CDK14: variants seen among roughly 807,000 people sequenced by gnomAD.
CDK14 encodes the protein cyclin-dependent kinase 14.
Under a neutral mutation model 60.7 loss-of-function variants are expected in CDK14, and 34 were observed. The observed-to-expected ratio is 0.56, with a 90% CI of 0.43 to 0.75. The LOEUF (loss-of-function observed/expected upper bound fraction) is 0.75, where lower values mean the gene tolerates loss of function less well. Among genes scored for constraint, CDK14 ranks in the 30% least tolerant of loss-of-function variants. The pLI is 0.00. For synonymous variants in CDK14, 197 were observed against 203.7 expected (o/e 0.97, Z 0.28); for missense variants, 482 against 564.1 (o/e 0.85, Z 1.47).
At position 91,098,499 on chromosome 7, in the gene CDK14, TA is replaced by T. The variant is rs772327497; in HGVS notation, c.1155-14036del. ...TGCACATGTACCCTAGAACTTAAAA[TA>T]AAAAAAGAAAGAAAAAGAAAGAAAG... On this transcript the variant is annotated intron_variant, in intron 12 of 14. Transcript: ENST00000380050. Among the ~76,000 whole-genome samples, 136 of 76,850 alleles carry T rather than the reference TA, an allele frequency of 1.8e-3. 2 individuals carry two copies. The East Asian group carries it at 0.035, about 20-fold the overall frequency. The allele number at this position is 76,850 out of a possible 152,430, so 50.4% of individuals were successfully genotyped here.
chr7:91,172,512 T>G (rs1292518462), intron 14 of CDK14, among the ~76,000 whole-genome samples: 5 of 152,226 alleles, frequency 3.3e-5, no homozygotes, highest in Non-Finnish European at 7.3e-5. Flanking sequence ...AGATATTTAT[T>G]TCCAAAACTC....
At chr7:90,702,987 G>C (rs977188348) in intron 2 of CDK14, among the ~76,000 whole-genome samples, 1 of 150,500 alleles carries the variant, frequency 6.6e-6, no homozygotes, top group African/African-American at 2.4e-5. Flanking sequence ...CCCCCAACTA[G>C]AAAATATGTT....
At chr7:90,803,414 A>G (rs1261405354) in intron 5 of CDK14, among the ~76,000 whole-genome samples, 1 of 152,226 alleles carries the variant, frequency 6.6e-6, no homozygotes, top group Non-Finnish European at 1.5e-5. Context: ...AGGGATAGAT[A>G]GGAGATAAAT....
chr7:90,605,605 A>G (rs1799401255), intron 2 of CDK14, among the ~76,000 whole-genome samples: 1 of 152,172 alleles, frequency 6.6e-6, no homozygotes. Flanking sequence ...TTCTCTTTGT[A>G]AAGAAAGTTT....
chr7:91,095,100 A>G (rs76005896), intron 12 of CDK14, among the ~76,000 whole-genome samples: 8 of 152,364 alleles, frequency 5.3e-5, no homozygotes, highest in Non-Finnish European at 1.2e-4. Context: ...CGAGGACAGC[A>G]AACAAAAAAT....
intron 2 of CDK14, among the ~76,000 whole-genome samples, chr7:90,717,280 G>C (rs1357279892): frequency 5.3e-5 from 8 of 152,090 alleles, no homozygotes; most frequent in Admixed American, 5.2e-4. Flanking sequence ...TCACAGAAGA[G>C]AAAGTGACTA....
intron 2 of CDK14, among the ~76,000 whole-genome samples, chr7:90,666,681 A>T (rs907702825): frequency 1.6e-4 from 24 of 152,346 alleles, no homozygotes; most frequent in African/African-American, 5.3e-4. Flanking sequence ...TTGGTTAAGA[A>T]GAGGCGGTAT....
chr7:90,878,193 T>C (rs909361315), intron 6 of CDK14, among the ~76,000 whole-genome samples: 2 of 151,992 alleles, frequency 1.3e-5, no homozygotes, highest in African/African-American at 4.8e-5. Context: ...CACAGAGATA[T>C]AGTGGCTGGT....
chr7:90,697,357 A>G (rs1297210429), intron 2 of CDK14, among the ~76,000 whole-genome samples: 1 of 151,536 alleles, frequency 6.6e-6, no homozygotes, highest in African/African-American at 2.4e-5. Flanking sequence ...TTGTGGTGCT[A>G]AAAAAAAATC....
At chr7:90,821,549 C>G (rs1348789758) in intron 5 of CDK14, among the ~76,000 whole-genome samples, 2 of 152,182 alleles carry the variant, frequency 1.3e-5, no homozygotes, top group Non-Finnish European at 2.9e-5. Context: ...TGAGAGGAGG[C>G]AGAAACTGGA....
chr7:90,919,980 A>C (rs1309688808), intron 8 of CDK14, among the ~76,000 whole-genome samples: 1 of 152,262 alleles, frequency 6.6e-6, no homozygotes, highest in Non-Finnish European at 1.5e-5. Flanking sequence ...TCCAGCTTGG[A>C]ACACGCAGTT....
intron 2 of CDK14, among the ~76,000 whole-genome samples, chr7:90,625,340 TA>T (rs1169599426): frequency 6.6e-6 from 1 of 152,148 alleles, no homozygotes; most frequent in Non-Finnish European, 1.5e-5. Context: ...ACTCTGTCTT[TA>T]AAAAAGGTTA....
chr7:90,739,554 A>T (rs909263845), intron 3 of CDK14, among the ~76,000 whole-genome samples: 1 of 152,170 alleles, frequency 6.6e-6, no homozygotes, highest in Non-Finnish European at 1.5e-5. Context: ...TTTTTAGAAA[A>T]TTATTTGTGC....
At chr7:91,155,844 T>G (rs1379309262) in intron 14 of CDK14, among the ~76,000 whole-genome samples, 1 of 152,226 alleles carries the variant, frequency 6.6e-6, no homozygotes, top group Non-Finnish European at 1.5e-5. Flanking sequence ...AAGCATTTAC[T>G]TCCTAGCTCA....
intron 5 of CDK14, among the ~76,000 whole-genome samples, chr7:90,831,171 C>T (rs189846364): frequency 3.3e-5 from 5 of 152,290 alleles, no homozygotes; most frequent in African/African-American, 1.2e-4. Flanking sequence ...TTTCACACTG[C>T]TATAAATAAC....
intron 7 of CDK14, among the ~76,000 whole-genome samples, chr7:90,902,320 T>C (rs1294181083): frequency 6.6e-6 from 1 of 152,034 alleles, no homozygotes; most frequent in Non-Finnish European, 1.5e-5. Flanking sequence ...AGCTGGATAC[T>C]TCATACTACG....
intron 7 of CDK14, among the ~76,000 whole-genome samples, chr7:90,903,086 A>G (rs1352754345): frequency 1.3e-5 from 2 of 152,158 alleles, no homozygotes; most frequent in Non-Finnish European, 2.9e-5. Flanking sequence ...ACAAAACATA[A>G]CAAATGTTAC....
intron 14 of CDK14, among the ~76,000 whole-genome samples, chr7:91,163,606 T>A (rs1187578882): frequency 6.6e-6 from 1 of 152,224 alleles, no homozygotes; most frequent in East Asian, 1.9e-4. Flanking sequence ...CTTACCGTTT[T>A]TTGCATTGGA....
intron 9 of CDK14, among the ~76,000 whole-genome samples, chr7:90,981,268 A>G (rs1031567744): frequency 4.6e-5 from 7 of 152,238 alleles, no homozygotes; most frequent in African/African-American, 1.7e-4. Flanking sequence ...TAAGCACATC[A>G]TTGCATTCTA....
Sources: allele counts gnomAD v4.1 joint callset (sites outside exome capture counted in the v4.1 genomes callset), GRCh38; gene constraint gnomAD v4.1.1; transcripts MANE v1.5; gene names NCBI Gene and HGNC (gene_info 2026-07-23, HGNC 2026-07-21).